DSCAM: variants seen among roughly 807,000 people sequenced by gnomAD.
DSCAM encodes the protein DS cell adhesion molecule, also known as cell adhesion molecule DSCAM.
Under a neutral mutation model 217.7 loss-of-function variants are expected in DSCAM, and 47 were observed. The observed-to-expected ratio is 0.22, with a 90% CI of 0.17 to 0.28. The LOEUF (loss-of-function observed/expected upper bound fraction) is 0.28. Ranked by LOEUF, DSCAM falls within the 10% of genes least tolerant of loss-of-function variation. The pLI, the probability that DSCAM is intolerant of heterozygous loss-of-function variation, is 1.00. For synonymous variants in DSCAM, 1,056 were observed against 1,015.3 expected (o/e 1.04, Z -0.76); for missense variants, 2,080 against 2,618.3 (o/e 0.79, Z 4.49).
In DSCAM at chr21:40,271,475, T is replaced by C. The variant is rs180789465; in HGVS notation, c.2356+4622A>G. Among the ~76,000 whole-genome samples, 694 of 152,130 alleles carry C rather than the reference T, an allele frequency of 4.6e-3. 4 individuals carry two copies. The highest frequency in any genetic ancestry group is 7.8e-3 in the Non-Finnish European group (533 of 67,990). On this transcript the variant is annotated intron_variant, in intron 11 of 32. Coordinates refer to ENST00000400454, the MANE Select transcript of DSCAM (RefSeq NM_001389.5). ...CTTCAGATCAGCCAGTGGCAGAAAG[T>C]TGGGAGCGGGGAGGATGTAATTTGG...
intron 15 of DSCAM, among the ~76,000 whole-genome samples, chr21:40,175,770 AACACACACATAC>A (rs1384378956): frequency 1.0e-4 from 13 of 126,354 alleles, no homozygotes; most frequent in African/African-American, 3.8e-4. Context: ...ATATTTTCTC[AACACACACATAC>A]ACACACACAC....
rs1453586509 is a variant in DSCAM at position 40,526,191 on chromosome 21, C to T, written c.509-156946G>A. On this transcript the variant is annotated intron_variant, in intron 3 of 32. Coordinates refer to ENST00000400454, the MANE Select transcript of DSCAM (RefSeq NM_001389.5). ...CCATCAACCTCCCAGCTGGAGCTGG[C>T]CCCCAGAGGCAGAGCTATAACTCTG... 4.6e-5 allele frequency among the ~76,000 whole-genome samples: 7 copies of T among 152,282 alleles called. No homozygotes were observed. The East Asian group carries it at 1.2e-3, about 25-fold the overall frequency.
chr21:40,504,351 A>G (rs1170314828), intron 3 of DSCAM, among the ~76,000 whole-genome samples: 1 of 152,094 alleles, frequency 6.6e-6, no homozygotes, highest in Non-Finnish European at 1.5e-5. Flanking sequence ...GCCACGGGGC[A>G]CACAGCTGTC....
intron 11 of DSCAM, among the ~76,000 whole-genome samples, chr21:40,233,411 A>G (rs1238064716): frequency 6.6e-6 from 1 of 152,246 alleles, no homozygotes; most frequent in East Asian, 1.9e-4. Context: ...GAAGAAAATA[A>G]AGGTCACTAA....
chr21:40,045,998 T>A (rs2088836042), intron 30 of DSCAM, among the ~76,000 whole-genome samples: 1 of 152,186 alleles, frequency 6.6e-6, no homozygotes, highest in Non-Finnish European at 1.5e-5. Context: ...CAGAGAGAAG[T>A]GACATAGCTG....
chr21:40,688,391 T>A (rs2090505355), intron 3 of DSCAM, among the ~76,000 whole-genome samples: 1 of 152,182 alleles, frequency 6.6e-6, no homozygotes, highest in Non-Finnish European at 1.5e-5. Context: ...GTGTTATTGT[T>A]TTTTTCCAGG....
chr21:40,242,766 C>T (rs1430290498), intron 11 of DSCAM, among the ~76,000 whole-genome samples: 1 of 152,210 alleles, frequency 6.6e-6, no homozygotes, highest in Non-Finnish European at 1.5e-5. Context: ...CTGCCCCCAA[C>T]CCCACAGTGG....
At chr21:40,364,772 A>G (rs201909579) in intron 4 of DSCAM, among the ~76,000 whole-genome samples, 9,320 of 147,726 alleles carry the variant, frequency 0.063, 370 homozygotes, top group East Asian at 0.2. Context: ...ATATATATAT[A>G]TATATATACA....
At chr21:40,500,206 ATATT>A (rs1176625201) in intron 3 of DSCAM, among the ~76,000 whole-genome samples, 5 of 152,184 alleles carry the variant, frequency 3.3e-5, no homozygotes, top group African/African-American at 9.7e-5. Flanking sequence ...TTTTTCCTAA[ATATT>A]TATGAAATAG....
intron 3 of DSCAM, among the ~76,000 whole-genome samples, chr21:40,410,384 A>C (rs2075312537): frequency 6.6e-6 from 1 of 152,128 alleles, no homozygotes; most frequent in South Asian, 2.1e-4. Flanking sequence ...GCAGTATAGA[A>C]TATGTGCAAT....
At chr21:40,506,226 G>A (rs140725768) in intron 3 of DSCAM, among the ~76,000 whole-genome samples, 371 of 152,316 alleles carry the variant, frequency 2.4e-3, no homozygotes, top group African/African-American at 8.3e-3. Context: ...GCCCATGCAC[G>A]AGGGGACAGT....
chr21:40,428,142 C>T (rs538701814), intron 3 of DSCAM, among the ~76,000 whole-genome samples: 1 of 152,214 alleles, frequency 6.6e-6, no homozygotes, highest in African/African-American at 2.4e-5. Flanking sequence ...GCTCATCTGT[C>T]TTAACCCTAA....
intron 3 of DSCAM, among the ~76,000 whole-genome samples, chr21:40,620,726 T>C (rs1030635636): frequency 1.3e-5 from 2 of 152,232 alleles, no homozygotes; most frequent in Non-Finnish European, 2.9e-5. Context: ...CAGCTTTTTA[T>C]AGAATTAAAC....
intron 1 of DSCAM, among the ~76,000 whole-genome samples, chr21:40,779,102 T>C (rs1439812287): frequency 6.8e-6 from 1 of 146,192 alleles, no homozygotes; most frequent in Non-Finnish European, 1.5e-5. Flanking sequence ...ATCCTGCCCA[T>C]GGAAGGGCTC....
At chr21:40,700,199 C>T (rs1197987514) in intron 2 of DSCAM, among the ~76,000 whole-genome samples, 1 of 152,194 alleles carries the variant, frequency 6.6e-6, no homozygotes, top group East Asian at 1.9e-4. Flanking sequence ...TATAGCATGT[C>T]ATGTTGCACA....
At chr21:40,582,693 G>A (rs2076914921) in intron 3 of DSCAM, among the ~76,000 whole-genome samples, 1 of 152,118 alleles carries the variant, frequency 6.6e-6, no homozygotes, top group African/African-American at 2.4e-5. Context: ...GAGAAAATGA[G>A]CTCTGGTTAG....
chr21:40,366,482 T>C (rs2074833926), intron 4 of DSCAM, among the ~76,000 whole-genome samples: 1 of 152,164 alleles, frequency 6.6e-6, no homozygotes, highest in Non-Finnish European at 1.5e-5. Context: ...CACAGATTTG[T>C]GTTGTTTCAT....
At chr21:40,642,787 G>T (rs932628650) in intron 3 of DSCAM, among the ~76,000 whole-genome samples, 3 of 152,044 alleles carry the variant, frequency 2.0e-5, no homozygotes, top group African/African-American at 7.2e-5. Flanking sequence ...TGGGGGTTCT[G>T]CCATGTTGCC....
intron 4 of DSCAM, among the ~76,000 whole-genome samples, chr21:40,366,670 G>A (rs956359459): frequency 6.6e-6 from 1 of 151,462 alleles, no homozygotes; most frequent in Non-Finnish European, 1.5e-5. Flanking sequence ...TTTCCTTTTT[G>A]TTTCATTTTA....
Sources: gnomAD v4.1 joint callset for allele counts (sites outside exome capture counted in the v4.1 genomes callset) on GRCh38, gnomAD v4.1.1 for gene constraint, MANE v1.5 for transcripts, NCBI Gene and HGNC (gene_info 2026-07-23, HGNC 2026-07-21) for gene names.